AOAH: variants seen among roughly 807,000 people sequenced by gnomAD.
AOAH encodes the protein acyloxyacyl hydrolase.
In AOAH, 64 loss-of-function variants were observed where a neutral mutation model predicts 92.2. That is an observed-to-expected ratio of 0.69 (90% confidence interval 0.57 to 0.86). AOAH has a LOEUF of 0.86. AOAH is among the 40% of genes least tolerant of loss of function. AOAH has a pLI of 0.00. For synonymous variants in AOAH, 263 were observed against 254.5 expected, an observed-to-expected ratio of 1.03 and a Z score of -0.32; for missense variants, 656 against 694.6, an observed-to-expected ratio of 0.94 and a Z score of 0.62.
chr7:36,663,958 T>C (rs1173681952), intron 3 of AOAH, among the ~76,000 whole-genome samples: 2 of 152,202 alleles, frequency 1.3e-5, no homozygotes, highest in African/African-American at 2.4e-5. Context: ...TCTAACAACA[T>C]ATAATGTTGA....
chr7:36,624,941 G>A (rs1292069168), intron 6 of AOAH, among the ~76,000 whole-genome samples: 2 of 152,168 alleles, frequency 1.3e-5, no homozygotes, highest in African/African-American at 4.8e-5. Context: ...TACTGTTTCA[G>A]CCTTTTTAGC....
Position 36,513,504 on chromosome 7 carries a change from T to C in AOAH, c.1600-124A>G. On this transcript the variant is annotated intron_variant, in intron 20 of 20. Coordinates refer to ENST00000617537, the MANE Select transcript of AOAH (RefSeq NM_001637.4). ...GATGGCCCCATGACTCCCACCCCCATGTCTCTGTATAACCTCCTTCCCTTG... is the reference window on the plus strand; with the variant it reads ...GATGGCCCCATGACTCCCACCCCCACGTCTCTGTATAACCTCCTTCCCTTG... 3.4e-6 allele frequency: 3 copies of C among 892,478 alleles called. No individual in the cohort carries two copies. In the South Asian group the frequency reaches 5.0e-5, roughly 15 times the overall value. The allele number at this position is 892,478 out of a possible 1,614,324, so 55.3% of individuals were successfully genotyped here. A position where few individuals can be genotyped will look rare whatever the true frequency, so the allele number is the denominator to read the frequency against.
chr7:36,610,550 T>C (rs1426894068), intron 11 of AOAH, among the ~76,000 whole-genome samples: 1 of 151,804 alleles, frequency 6.6e-6, no homozygotes, highest in Non-Finnish European at 1.5e-5. Context: ...AAAACAAGCC[T>C]GATACTCCAA....
intron 11 of AOAH, among the ~76,000 whole-genome samples, chr7:36,603,658 G>A (rs1210872823): frequency 6.6e-6 from 1 of 152,150 alleles, no homozygotes; most frequent in Admixed American, 6.5e-5. Context: ...TAAGTGAACG[G>A]GCATCGCTGT....
rs746162174 is a variant in AOAH, at chr7:36,632,128, A to AAAAG, written c.451-26_451-23dup. 1.3e-5 allele frequency: 21 copies of AAAAG among 1,592,354 alleles called. No individual in the cohort carries two copies. The African/African-American group carries it at 2.7e-4, about 20-fold the overall frequency. ...ATTTCTGGGGAGAAAAAAAAAAACA[A>AAAAG]AAAGAGAGTTGTTTAGTTTAAGGAG... On this transcript the variant is annotated intron_variant, in intron 5 of 20. Transcript: ENST00000617537.
intron 5 of AOAH, among the ~76,000 whole-genome samples, chr7:36,635,883 T>C (rs1001785298): frequency 4.6e-5 from 7 of 152,190 alleles, no homozygotes; most frequent in Admixed American, 3.9e-4. Flanking sequence ...GAGAATGAAA[T>C]GATTCCATAA....
At chr7:36,551,040 C>T in intron 13 of AOAH, among the ~76,000 whole-genome samples, 1 of 150,748 alleles carries the variant, frequency 6.6e-6, no homozygotes, top group East Asian at 2.0e-4. Flanking sequence ...GCTTTATTTC[C>T]ATTTTATTAT....
At chr7:36,678,444 G>T (rs1278504662) in intron 2 of AOAH, among the ~76,000 whole-genome samples, 3 of 152,176 alleles carry the variant, frequency 2.0e-5, no homozygotes, top group Admixed American at 6.5e-5. Context: ...AACTGGCTTA[G>T]CCTAGAGCAG....
chr7:36,696,000 A>G (rs1280361347), intron 1 of AOAH, among the ~76,000 whole-genome samples: 1 of 152,108 alleles, frequency 6.6e-6, no homozygotes, highest in Admixed American at 6.6e-5. Context: ...CTTTTTTTAC[A>G]TATAGAATCC....
chr7:36,545,753 T>C (rs1359910636), intron 15 of AOAH, among the ~76,000 whole-genome samples: 2 of 152,242 alleles, frequency 1.3e-5, no homozygotes, highest in Non-Finnish European at 2.9e-5. Flanking sequence ...GGGCTAGTGC[T>C]AGATGCTTGT....
chr7:36,666,029 CT>C (rs1188830376), intron 3 of AOAH, among the ~76,000 whole-genome samples: 1 of 151,986 alleles, frequency 6.6e-6, no homozygotes. Context: ...ATGTCTTTGT[CT>C]GGTTTTGGTA....
rs181700768 is a variant in AOAH at position 36,694,389 on chromosome 7, T to C, written c.128-7595A>G. Reference sequence around the variant, plus strand: ...GGCATGCACCTGTAATCCCAGCTACTTGGGAGGCTGAGGCAGAAGAATAGC... The same window carrying C: ...GGCATGCACCTGTAATCCCAGCTACCTGGGAGGCTGAGGCAGAAGAATAGC... On this transcript the variant is annotated intron_variant, in intron 1 of 20. Coordinates refer to ENST00000617537, the MANE Select transcript of AOAH (RefSeq NM_001637.4). Among the ~76,000 whole-genome samples the C allele has an allele frequency of 2.2e-3, 341 of 152,116 alleles. 3 individuals are homozygous for C. Among genetic ancestry groups the C allele is most frequent in the African/African-American group, 8.0e-3 (330 of 41,498 alleles).
rs572088959 is a variant in AOAH, at chr7:36,560,706, T to C, written c.1022-11231A>G. Among the ~76,000 whole-genome samples, 50 of 152,334 alleles carry C rather than the reference T, an allele frequency of 3.3e-4. No homozygotes were observed. The South Asian group carries it at 9.3e-3, about 28-fold the overall frequency. ...GAGACGGTTTGACTTCTTCTTTTCTTATTTGGATGCTTTTTATATCTTTCT... is the reference window on the plus strand; with the variant it reads ...GAGACGGTTTGACTTCTTCTTTTCTCATTTGGATGCTTTTTATATCTTTCT... On this transcript the variant is annotated intron_variant, in intron 13 of 20. Transcript: ENST00000617537.
intron 20 of AOAH, among the ~76,000 whole-genome samples, chr7:36,514,243 T>C (rs1435120352): frequency 6.6e-6 from 1 of 151,418 alleles, no homozygotes; most frequent in Admixed American, 6.6e-5. Flanking sequence ...GTGGGGAAAC[T>C]GCAATGGTAG....
At chr7:36,530,875 C>T (rs1486815528) in intron 18 of AOAH, among the ~76,000 whole-genome samples, 1 of 152,132 alleles carries the variant, frequency 6.6e-6, no homozygotes, top group Admixed American at 6.6e-5. Flanking sequence ...TGGATCAAAT[C>T]CTTAAACATG....
intron 10 of AOAH, 115 bp downstream of exon 10, chr7:36,618,182 G>A: frequency 2.4e-6 from 2 of 829,452 alleles, no homozygotes; most frequent in South Asian, 3.0e-5. Flanking sequence ...GGTCAGCATA[G>A]AGTAAATCCT....
chr7:36,545,293 C>T (rs929644244), intron 15 of AOAH, among the ~76,000 whole-genome samples: 5 of 152,208 alleles, frequency 3.3e-5, no homozygotes, highest in African/African-American at 1.2e-4. Flanking sequence ...TGGCCTGGAA[C>T]ATGCTGGCTG....
In AOAH at chr7:36,523,629, G is replaced by GTTTTTTTTTT. The variant is rs57628897; in HGVS notation, c.1523-1524_1523-1515dup. Among the ~76,000 whole-genome samples the GTTTTTTTTTT allele has an allele frequency of 2.0e-4, 20 of 100,138 alleles. 1 individual carries two copies. The highest frequency in any genetic ancestry group is 5.7e-4 in the African/African-American group (14 of 24,690). 65.7% of individuals were successfully genotyped at this position (100,138 alleles called of 152,430 possible). On this transcript the variant is annotated intron_variant, in intron 19 of 20. Transcript: ENST00000617537. ...TCAGTTTGCCTGGCCTGTTTTGCCTGTTTTTTTTTTTTTTTTTTTTGGCAT... is the reference window on the plus strand; with the variant it reads ...TCAGTTTGCCTGGCCTGTTTTGCCTGTTTTTTTTTTTTTTTTTTTTTTTTTTTTTTGGCAT...
In AOAH at chr7:36,513,091, T is replaced by C; in HGVS notation, c.*161A>G. ...GGGAGCACACAGCATTGCACAGTCGTCCAGATATGCTCTTCATTGAGAGAA... is the reference window on the plus strand; with the variant it reads ...GGGAGCACACAGCATTGCACAGTCGCCCAGATATGCTCTTCATTGAGAGAA... On this transcript the variant is annotated 3_prime_UTR_variant, in exon 21 of 21. Coordinates refer to ENST00000617537, the MANE Select transcript of AOAH (RefSeq NM_001637.4). The C allele has an allele frequency of 6.3e-7, 1 of 1,582,274 alleles. No individual in the cohort carries two copies. The highest frequency in any genetic ancestry group is 1.1e-5 in the South Asian group (1 of 88,792).
Sources: gnomAD v4.1 joint callset for allele counts (sites outside exome capture counted in the v4.1 genomes callset) on GRCh38, gnomAD v4.1.1 for gene constraint, MANE v1.5 for transcripts, NCBI Gene and HGNC (gene_info 2026-07-23, HGNC 2026-07-21) for gene names.